Variants in PDS5B observed in about 807,000 individuals in gnomAD.
PDS5B encodes sister chromatid cohesion protein PDS5 homolog B.
PDS5B carries 51 observed loss-of-function variants against 184.1 expected under a neutral mutation model. The ratio of observed to expected loss-of-function variants is 0.28; its 90% confidence interval spans 0.22 to 0.35. PDS5B has a LOEUF of 0.35. Among genes scored for constraint, PDS5B ranks in the 10% least tolerant of loss-of-function variants. The probability of loss-of-function intolerance (pLI) is 1.00; values close to 1 mark genes in which losing one functional copy is unlikely to be tolerated. For synonymous variants in PDS5B, 566 were observed against 569.2 expected (o/e 0.99, Z 0.08); for missense variants, 1,180 against 1,723.3 (o/e 0.68, Z 5.58).
intron 25 of PDS5B, among the ~76,000 whole-genome samples, chr13:32,755,451 A>G (rs1287022061): frequency 2.6e-5 from 4 of 152,158 alleles, no homozygotes; most frequent in Admixed American, 1.3e-4. Flanking sequence ...GCAGCTTACA[A>G]GAGAGTGTTA....
Position 32,699,717 on chromosome 13 carries a change from A to G in PDS5B, c.1601-13A>G. ...AAAAAATTGATTTTAATTGAACTTTAATTTATTTTAAGGAAATTTACCTGA... is the reference window on the plus strand; with the variant it reads ...AAAAAATTGATTTTAATTGAACTTTGATTTATTTTAAGGAAATTTACCTGA... On this transcript the variant is annotated splice_polypyrimidine_tract_variant and intron_variant, in intron 15 of 34. Transcript: ENST00000315596. 1 of 1,425,204 alleles carries G rather than the reference A, an allele frequency of 7.0e-7. No individual in the cohort carries two copies. The highest frequency in any genetic ancestry group is 2.7e-5 in the East Asian group (1 of 37,076). The allele number at this position is 1,425,204 out of a possible 1,614,324, so 88.3% of individuals were successfully genotyped here. A position where few individuals can be genotyped will look rare whatever the true frequency, so the allele number is the denominator to read the frequency against.
At chr13:32,687,644 A>T (rs1424862116) in intron 12 of PDS5B, among the ~76,000 whole-genome samples, 1 of 152,206 alleles carries the variant, frequency 6.6e-6, no homozygotes, top group African/African-American at 2.4e-5. Flanking sequence ...AATTTTACAC[A>T]TTTAAAAACA....
intron 18 of PDS5B, 27 bp downstream of exon 18, chr13:32,707,066 C>T (rs1952044134): frequency 1.7e-6 from 2 of 1,202,988 alleles, no homozygotes; most frequent in South Asian, 1.4e-5. Flanking sequence ...AATTAAGTGC[C>T]TAATTAGATA....
At chr13:32,766,374 A>C (rs1201702632) in intron 31 of PDS5B, among the ~76,000 whole-genome samples, 1 of 152,200 alleles carries the variant, frequency 6.6e-6, no homozygotes, top group African/African-American at 2.4e-5. Context: ...TTTTCATAGA[A>C]CTGTTTTGAA....
At chr13:32,768,221 C>T (rs540114759) in intron 31 of PDS5B, among the ~76,000 whole-genome samples, 1 of 152,270 alleles carries the variant, frequency 6.6e-6, no homozygotes, top group South Asian at 2.1e-4. Flanking sequence ...AGATTTGGTT[C>T]CTGATGAGGG....
rs1555322449 is a variant in PDS5B at position 32,775,095 on chromosome 13, A to AAATTTTTT, written c.*43_*44insAATTTTTT. ...CTTTCTCTGTGAAAGCTTTGGAAAA[A>AAATTTTTT]TCTTTTTTTTTTTTTTTGGTCAAGC... On this transcript the variant is annotated 3_prime_UTR_variant, in exon 35 of 35. Coordinates refer to ENST00000315596, the MANE Select transcript of PDS5B (RefSeq NM_015032.4). The AAATTTTTT allele has an allele frequency of 8.0e-5, 44 of 547,510 alleles. No homozygotes were observed. The highest frequency in any genetic ancestry group is 1.1e-4 in the Non-Finnish European group (42 of 388,626). 33.9% of individuals were successfully genotyped at this position (547,510 alleles called of 1,614,324 possible).
At chr13:32,744,427 C>A (rs918547359) in intron 23 of PDS5B, among the ~76,000 whole-genome samples, 3 of 152,010 alleles carry the variant, frequency 2.0e-5, no homozygotes, top group Non-Finnish European at 4.4e-5. Flanking sequence ...TCTGTCCTTT[C>A]CTTAAGTGGG....
intron 1 of PDS5B, among the ~76,000 whole-genome samples, chr13:32,590,321 CT>C (rs1593223519): frequency 6.6e-6 from 1 of 152,174 alleles, no homozygotes; most frequent in East Asian, 1.9e-4. Context: ...AGGTACAAAA[CT>C]TCCATATACA....
At chr13:32,698,434 G>A (rs1216538623) in intron 15 of PDS5B, among the ~76,000 whole-genome samples, 1 of 152,130 alleles carries the variant, frequency 6.6e-6, no homozygotes, top group Non-Finnish European at 1.5e-5. Context: ...TTTCCAGCTT[G>A]CCCTCAGGTG....
intron 4 of PDS5B, 54 bp from the exon 5 acceptor site, chr13:32,658,380 A>G (rs913049349): frequency 1.2e-5 from 17 of 1,409,970 alleles, no homozygotes; most frequent in Admixed American, 5.6e-5. Context: ...TTTTGTTTGT[A>G]TATTTTTAAT....
At chr13:32,595,317 T>A (rs1311081112) in intron 1 of PDS5B, among the ~76,000 whole-genome samples, 1 of 152,080 alleles carries the variant, frequency 6.6e-6, no homozygotes, top group Non-Finnish European at 1.5e-5. Flanking sequence ...TTTTTAAAGG[T>A]TATTATTATT....
chr13:32,689,191 A>G (rs1448141915), intron 13 of PDS5B: 3 of 152,376 alleles, frequency 2.0e-5, no homozygotes, highest in African/African-American at 7.2e-5. Flanking sequence ...GTTTTAGGAA[A>G]TGTAGACCCT....
At chr13:32,707,716 AT>A (rs1236775987) in intron 18 of PDS5B, among the ~76,000 whole-genome samples, 1 of 146,144 alleles carries the variant, frequency 6.8e-6, no homozygotes, top group Non-Finnish European at 1.5e-5. Flanking sequence ...CGAGATAATA[AT>A]AAAGTACTTG....
chr13:32,764,591 A>C lies in PDS5B; in HGVS notation c.3621A>C (p.Val1207=), dbSNP rs758886906. Residue 1207 remains valine, a synonymous_variant, in exon 31 of 35, where the codon GTA becomes GTC. Coordinates refer to ENST00000315596, the MANE Select transcript of PDS5B (RefSeq NM_015032.4). The part of the protein sequence containing the change: ...KSDKRDDSDL[V]RSELEKPRGR... ...ACAAGAGAGACGACTCTGATCTTGTAAGGGTGAGATATTTGCATTGATTTT... is the reference window on the plus strand; with the variant it reads ...ACAAGAGAGACGACTCTGATCTTGTCAGGGTGAGATATTTGCATTGATTTT... 1 of 1,546,144 alleles carries C rather than the reference A, an allele frequency of 6.5e-7. No individual in the cohort carries two copies. The highest frequency in any genetic ancestry group is 8.9e-7 in the Non-Finnish European group (1 of 1,126,314).
chr13:32,606,184 T>A (rs2058057338), intron 1 of PDS5B, among the ~76,000 whole-genome samples: 1 of 152,224 alleles, frequency 6.6e-6, no homozygotes, highest in Non-Finnish European at 1.5e-5. Flanking sequence ...ACAATTGGCA[T>A]GTTTTTGCAG....
At chr13:32,643,156 C>T (rs924419204) in intron 1 of PDS5B, among the ~76,000 whole-genome samples, 1 of 152,106 alleles carries the variant, frequency 6.6e-6, no homozygotes, top group African/African-American at 2.4e-5. Flanking sequence ...CTTTCTTCCA[C>T]TCCAGACTCA....
chr13:32,708,704 G>T (rs548590535), intron 18 of PDS5B, among the ~76,000 whole-genome samples: 1 of 152,020 alleles, frequency 6.6e-6, no homozygotes, highest in Non-Finnish European at 1.5e-5. Context: ...TACTAGTGAG[G>T]TCCATATGTT....
intron 7 of PDS5B, among the ~76,000 whole-genome samples, chr13:32,672,257 A>G (rs1440742711): frequency 6.6e-6 from 1 of 152,188 alleles, no homozygotes; most frequent in Non-Finnish European, 1.5e-5. Flanking sequence ...GGCTGTATCT[A>G]TGGGATGATG....
chr13:32,586,874 C>A (rs868813085), intron 1 of PDS5B, among the ~76,000 whole-genome samples: 1 of 34,946 alleles, frequency 2.9e-5, no homozygotes, highest in East Asian at 8.3e-4. Context: ...CGGGTTCTGC[C>A]GCAGCCTCTG....
Sources: gnomAD v4.1 joint callset for allele counts (sites outside exome capture counted in the v4.1 genomes callset) on GRCh38, gnomAD v4.1.1 for gene constraint, MANE v1.5 for transcripts, NCBI Gene and HGNC (gene_info 2026-07-23, HGNC 2026-07-21) for gene names.